The following SMAP1 variants were observed in gnomAD, a reference collection of about 807,000 sequenced individuals.
SMAP1 encodes small ArfGAP 1.
SMAP1 carries 24 observed loss-of-function variants against 58.5 expected under a neutral mutation model. The ratio of observed to expected loss-of-function variants is 0.41; its 90% confidence interval spans 0.30 to 0.58. The LOEUF is 0.58. SMAP1 is among the 20% of genes least tolerant of loss of function. SMAP1 has a pLI of 0.29. For missense variants in SMAP1, 563 were observed against 566.3 expected, an observed-to-expected ratio of 0.99 and a Z score of 0.06; for synonymous variants, 216 against 196.6, an observed-to-expected ratio of 1.10 and a Z score of -0.82.
chr6:70,755,074 TA>T lies in SMAP1; in HGVS notation c.338+13del. 4 of 1,590,272 alleles carry T rather than the reference TA, an allele frequency of 2.5e-6. No homozygotes were observed. The highest frequency in any genetic ancestry group is 3.4e-6 in the Non-Finnish European group (4 of 1,164,338). On this transcript the variant is annotated intron_variant, in intron 3 of 10. Coordinates refer to ENST00000370455, the MANE Select transcript of SMAP1 (RefSeq NM_001044305.3). Reference sequence around the variant, plus strand: ...AGACCACAGACAGATCAGTATCCTTTAAAACTTATTTGTTTTGAGTTTAAAA... The same window carrying T: ...AGACCACAGACAGATCAGTATCCTTTAAACTTATTTGTTTTGAGTTTAAAA...
chr6:70,713,681 A>G (rs917840625), intron 1 of SMAP1, among the ~76,000 whole-genome samples: 1 of 152,134 alleles, frequency 6.6e-6, no homozygotes, highest in Non-Finnish European at 1.5e-5. Context: ...TGTCCTGGAA[A>G]ATATTTTATG....
intron 1 of SMAP1, among the ~76,000 whole-genome samples, chr6:70,712,161 A>C (rs1768081940): frequency 6.6e-6 from 1 of 152,122 alleles, no homozygotes; most frequent in African/African-American, 2.4e-5. Flanking sequence ...CTTTTGTCAA[A>C]TGCTTTTTTG....
At position 70,724,024 on chromosome 6, in the gene SMAP1, A is replaced by G. The variant is rs1206684444; in HGVS notation, c.119-8354A>G. 2.0e-5 allele frequency among the ~76,000 whole-genome samples: 3 copies of G among 152,100 alleles called. No individual in the cohort carries two copies. In the South Asian group the frequency reaches 6.2e-4, roughly 31 times the overall value. ...TTAAATATCAATTCTTTTGTTTTTT[A>G]ATAAAATGAAAATGTTTTCTTATTA... is the stretch of plus-strand genomic sequence containing the variant. On this transcript the variant is annotated intron_variant, in intron 1 of 10. Transcript: ENST00000370455.
intron 3 of SMAP1, among the ~76,000 whole-genome samples, chr6:70,761,485 A>C: frequency 6.6e-6 from 1 of 151,968 alleles, no homozygotes; most frequent in Non-Finnish European, 1.5e-5. Context: ...ACTTCTGGAG[A>C]CTGTAAAATG....
At chr6:70,718,593 G>A (rs540709625) in intron 1 of SMAP1, among the ~76,000 whole-genome samples, 24 of 152,144 alleles carry the variant, frequency 1.6e-4, no homozygotes, top group Non-Finnish European at 2.6e-4. Flanking sequence ...AGGCCAAGGC[G>A]GGTGAATCAC....
intron 1 of SMAP1, among the ~76,000 whole-genome samples, chr6:70,714,989 G>A (rs1159338728): frequency 6.6e-6 from 1 of 151,194 alleles, no homozygotes; most frequent in Non-Finnish European, 1.5e-5. Flanking sequence ...AGAGTCCCCT[G>A]TACTTAGCAA....
chr6:70,814,315 A>G (rs570117984), intron 6 of SMAP1, among the ~76,000 whole-genome samples: 6 of 152,254 alleles, frequency 3.9e-5, no homozygotes, highest in African/African-American at 7.2e-5. Flanking sequence ...AGTATCAACA[A>G]TGGCTTTTAT....
chr6:70,787,216 T>G (rs1185835331), intron 4 of SMAP1, among the ~76,000 whole-genome samples: 1 of 152,190 alleles, frequency 6.6e-6, no homozygotes, highest in Non-Finnish European at 1.5e-5. Flanking sequence ...CCCTTTTTAA[T>G]AAATGATGCT....
chr6:70,797,384 GA>G, intron 5 of SMAP1, among the ~76,000 whole-genome samples: 1 of 152,028 alleles, frequency 6.6e-6, no homozygotes, highest in Non-Finnish European at 1.5e-5. Flanking sequence ...AATGAATATT[GA>G]AACTCAATGT....
intron 7 of SMAP1, among the ~76,000 whole-genome samples, chr6:70,844,322 CGT>C (rs76147825): frequency 6.0e-4 from 91 of 152,000 alleles, no homozygotes; most frequent in Non-Finnish European, 1.0e-3. Context: ...AATCAGAGTG[CGT>C]GTGTGTGTGT....
chr6:70,759,704 TTC>T (rs1006703417), intron 3 of SMAP1: 3 of 264,252 alleles, frequency 1.1e-5, no homozygotes, highest in African/African-American at 6.6e-5. Flanking sequence ...GCATTATTAG[TTC>T]TGTTATCTTG....
rs763249039 is a variant in SMAP1, at chr6:70,673,896, T to TTTTG, written c.118+5775_118+5778dup. Among the ~76,000 whole-genome samples the TTTTG allele has an allele frequency of 7.9e-5, 12 of 152,258 alleles. No individual in the cohort carries two copies. In the South Asian group the frequency reaches 8.3e-4, roughly 11 times the overall value. On this transcript the variant is annotated intron_variant, in intron 1 of 10. Coordinates refer to ENST00000370455, the MANE Select transcript of SMAP1 (RefSeq NM_001044305.3). ...GTTCTTCACAGTTCTTCTTTGTCTT[T>TTTTG]TTTGTTTGTTTGTTTGTTTGTTTAA...
intron 1 of SMAP1, among the ~76,000 whole-genome samples, chr6:70,729,332 A>G (rs926582504): frequency 1.3e-5 from 2 of 151,704 alleles, no homozygotes; most frequent in Non-Finnish European, 1.5e-5. Flanking sequence ...CCAGCTACTC[A>G]GGAGGCTGAG....
chr6:70,712,064 G>GT (rs1248066621), intron 1 of SMAP1, among the ~76,000 whole-genome samples: 1 of 152,130 alleles, frequency 6.6e-6, no homozygotes. Flanking sequence ...TTTGCTTTGA[G>GT]TTTTTCATAA....
Position 70,791,776 on chromosome 6 carries a change from T to C in SMAP1, c.495+7T>C, listed in dbSNP as rs758993657. 6.2e-7 allele frequency: 1 copy of C among 1,610,954 alleles called. No individual in the cohort carries two copies. The highest frequency in any genetic ancestry group is 1.7e-5 in the Admixed American group (1 of 59,916). On this transcript the variant is annotated splice_region_variant and intron_variant, in intron 5 of 10. Coordinates refer to ENST00000370455, the MANE Select transcript of SMAP1 (RefSeq NM_001044305.3). Reference sequence around the variant, plus strand: ...TGACAAAAATAAATTGGAGGTATGGTCATGTTTTAACCAGCTACATTATGT... The same window carrying C: ...TGACAAAAATAAATTGGAGGTATGGCCATGTTTTAACCAGCTACATTATGT...
intron 2 of SMAP1, among the ~76,000 whole-genome samples, chr6:70,749,052 G>T (rs1467248380): frequency 6.6e-6 from 1 of 152,126 alleles, no homozygotes; most frequent in African/African-American, 2.4e-5. Context: ...TACCACCTGA[G>T]ACTGGGTAAT....
rs558880733 is a variant in SMAP1 at position 70,685,605 on chromosome 6, A to G, written c.118+17464A>G. On this transcript the variant is annotated intron_variant, in intron 1 of 10. Coordinates refer to ENST00000370455, the MANE Select transcript of SMAP1 (RefSeq NM_001044305.3). ...AATAACCAGGTAAACAGGTTTGTGC[A>G]TATACTTAGTGGACATGCTTTGTAC... is the stretch of plus-strand genomic sequence containing the variant. Among the ~76,000 whole-genome samples, 6 of 152,188 alleles carry G rather than the reference A, an allele frequency of 3.9e-5. No individual in the cohort carries two copies. The South Asian group carries it at 6.2e-4, about 16-fold the overall frequency.
intron 7 of SMAP1, among the ~76,000 whole-genome samples, chr6:70,839,518 A>AT (rs139572418): frequency 0.034 from 5,120 of 152,236 alleles, 319 homozygotes; most frequent in African/African-American, 0.12. Flanking sequence ...ACAGTGGAAC[A>AT]TTTTCAGGAC....
chr6:70,757,082 C>T (rs1766524106), intron 3 of SMAP1, among the ~76,000 whole-genome samples: 1 of 152,134 alleles, frequency 6.6e-6, no homozygotes, highest in Non-Finnish European at 1.5e-5. Context: ...GCCAAAAGAA[C>T]AAAGCTGGAG....
Sources: gnomAD v4.1 joint callset for allele counts (sites outside exome capture counted in the v4.1 genomes callset) on GRCh38, gnomAD v4.1.1 for gene constraint, MANE v1.5 for transcripts, NCBI Gene and HGNC (gene_info 2026-07-23, HGNC 2026-07-21) for gene names.